Variants in RAB14 observed in about 807,000 individuals in gnomAD.
RAB14 encodes ras-related protein Rab-14.
Under a neutral mutation model 31.1 loss-of-function variants are expected in RAB14, and 3 were observed. The observed-to-expected ratio is 0.10, with a 90% CI of 0.04 to 0.25. The LOEUF (loss-of-function observed/expected upper bound fraction) is 0.25. RAB14 is among the 10% of genes least tolerant of loss of function. The pLI, the probability that RAB14 is intolerant of heterozygous loss-of-function variation, is 1.00. For synonymous variants in RAB14, 85 were observed against 84.9 expected, an observed-to-expected ratio of 1.00 and a Z score of 0.00; for missense variants, 111 against 260.1, an observed-to-expected ratio of 0.43 and a Z score of 3.94.
chr9:121,194,090 TCA>T (rs56275636), intron 1 of RAB14, among the ~76,000 whole-genome samples: 54,804 of 141,358 alleles, frequency 0.39, 12,437 homozygotes, highest in South Asian at 0.65. Context: ...TTGCAGATTA[TCA>T]CTCACACACA....
intron 1 of RAB14, among the ~76,000 whole-genome samples, chr9:121,194,444 A>C (rs1212993830): frequency 2.0e-5 from 3 of 152,158 alleles, no homozygotes; most frequent in Non-Finnish European, 4.4e-5. Flanking sequence ...AAAACAAAAA[A>C]CTTTCCAATT....
intron 3 of RAB14, 105 bp from the exon 4 acceptor site, chr9:121,190,836 A>G (rs1312669729): frequency 1.2e-5 from 14 of 1,121,582 alleles, no homozygotes; most frequent in Non-Finnish European, 1.8e-5. Flanking sequence ...TAATACTTAC[A>G]GGCTATAAAT....
chr9:121,183,411 C>G lies in RAB14; in HGVS notation c.352-13G>C. The G allele has an allele frequency of 1.3e-6, 2 of 1,560,532 alleles. No homozygotes were observed. The highest frequency in any genetic ancestry group is 1.8e-6 in the Non-Finnish European group (2 of 1,137,746). ...TGAGAATTATTACCTAATTTGTGATCAAAAGAAAGACACCTTGTAACAAAA... is the reference window on the plus strand; with the variant it reads ...TGAGAATTATTACCTAATTTGTGATGAAAAGAAAGACACCTTGTAACAAAA... On this transcript the variant is annotated splice_polypyrimidine_tract_variant and intron_variant, in intron 5 of 7. Coordinates refer to ENST00000373840, the MANE Select transcript of RAB14 (RefSeq NM_016322.4).
chr9:121,185,327 G>T (rs143876793), intron 5 of RAB14, among the ~76,000 whole-genome samples: 2 of 152,246 alleles, frequency 1.3e-5, no homozygotes, highest in Non-Finnish European at 2.9e-5. Flanking sequence ...AGGATGTTAT[G>T]TAACTATAAT....
chr9:121,189,639 T>C (rs9408928), intron 4 of RAB14, among the ~76,000 whole-genome samples: 6,515 of 152,180 alleles, frequency 0.043, 169 homozygotes, highest in Non-Finnish European at 0.061. Context: ...CCAAATTAAA[T>C]AAAGTCATAC....
chr9:121,191,483 G>T (rs1306237270), intron 3 of RAB14, among the ~76,000 whole-genome samples: 1 of 152,048 alleles, frequency 6.6e-6, no homozygotes. Flanking sequence ...TGGGATTACA[G>T]GCATGAGCCA....
At position 121,183,499 on chromosome 9, in the gene RAB14, G is replaced by C; in HGVS notation, c.352-101C>G. The C allele has an allele frequency of 3.3e-6, 3 of 908,942 alleles. No homozygotes were observed. In the Admixed American group the frequency reaches 6.9e-5, roughly 21 times the overall value. 56.3% of individuals were successfully genotyped at this position (908,942 alleles called of 1,614,324 possible). A position where few individuals can be genotyped will look rare whatever the true frequency, so the allele number is the denominator to read the frequency against. On this transcript the variant is annotated intron_variant, in intron 5 of 7. Transcript: ENST00000373840. The stretch of plus-strand genomic sequence containing the variant: ...AAAAATCTTGATAGAAAAAATGACT[G>C]GGCCTAAAAAGAAAACCAAGTACTA...
chr9:121,181,740 T>C (rs1173002004), intron 7 of RAB14, among the ~76,000 whole-genome samples, 167 bp from the exon 8 acceptor site: 1 of 126,632 alleles, frequency 7.9e-6, no homozygotes, highest in Non-Finnish European at 1.6e-5. Context: ...GGAAAACTAT[T>C]TTCCTTTTTT....
intron 7 of RAB14, among the ~76,000 whole-genome samples, chr9:121,182,052 C>T (rs1471485569): frequency 6.6e-6 from 1 of 152,118 alleles, no homozygotes; most frequent in Non-Finnish European, 1.5e-5. Flanking sequence ...GGCCGGAAAA[C>T]TACTTTCTAT....
intron 3 of RAB14, 117 bp from the exon 4 acceptor site, chr9:121,190,848 G>C (rs2053682579): frequency 2.1e-6 from 2 of 942,224 alleles, no homozygotes; most frequent in Non-Finnish European, 1.5e-6. Flanking sequence ...GCTATAAATA[G>C]ACTAAAGCTA....
At position 121,183,045 on chromosome 9, in the gene RAB14, C is replaced by T. The variant is rs1217757242; in HGVS notation, c.440-85G>A. The T allele has an allele frequency of 1.8e-5, 24 of 1,367,718 alleles. No individual in the cohort carries two copies. The Middle Eastern group carries it at 5.5e-4, about 31-fold the overall frequency. 84.7% of individuals were successfully genotyped at this position (1,367,718 alleles called of 1,614,324 possible). A position where few individuals can be genotyped will look rare whatever the true frequency, so the allele number is the denominator to read the frequency against. On this transcript the variant is annotated intron_variant, in intron 6 of 7. Transcript: ENST00000373840. ...TTTAGTAACATCTGAAAAAGTTTCC[C>T]ATCAGTTTTTAGTACTCCTCCCATA...
intron 3 of RAB14, among the ~76,000 whole-genome samples, chr9:121,191,679 G>C (rs1050076744): frequency 6.6e-5 from 10 of 152,108 alleles, no homozygotes; most frequent in African/African-American, 2.4e-4. Flanking sequence ...TCTGTGGTAA[G>C]CAGCACAAAA....
intron 3 of RAB14, among the ~76,000 whole-genome samples, chr9:121,190,942 T>C (rs2053683224): frequency 1.3e-5 from 2 of 152,052 alleles, no homozygotes; most frequent in Admixed American, 6.6e-5. Context: ...AGCAAACTTC[T>C]AGAAAGGACC....
intron 4 of RAB14, among the ~76,000 whole-genome samples, chr9:121,187,256 A>C (rs2053663545): frequency 6.6e-6 from 1 of 152,084 alleles, no homozygotes; most frequent in South Asian, 2.1e-4. Context: ...TCAGGAGTAA[A>C]TTGTTTACTC....
intron 5 of RAB14, 129 bp from the exon 6 acceptor site, chr9:121,183,527 A>G (rs1427788491): frequency 1.8e-5 from 12 of 665,316 alleles, no homozygotes; most frequent in Admixed American, 5.3e-5. Context: ...AAGTACTAGC[A>G]ATTATCCACT....
chr9:121,199,605 G>A (rs934726036), intron 1 of RAB14, among the ~76,000 whole-genome samples: 1 of 152,158 alleles, frequency 6.6e-6, no homozygotes, highest in East Asian at 1.9e-4. Context: ...TTGCAAAGTT[G>A]AAGTATGCAA....
At chr9:121,186,357 A>C (rs897755163) in intron 5 of RAB14, among the ~76,000 whole-genome samples, 2 of 152,168 alleles carry the variant, frequency 1.3e-5, no homozygotes, top group Admixed American at 1.3e-4. Context: ...TCCCTGCTAG[A>C]CTATAAGCTC....
At chr9:121,188,348 A>G (rs1588368972) in intron 4 of RAB14, among the ~76,000 whole-genome samples, 1 of 151,988 alleles carries the variant, frequency 6.6e-6, no homozygotes, top group South Asian at 2.1e-4. Flanking sequence ...GAACTTTAAA[A>G]TTTCAAAGCT....
intron 1 of RAB14, among the ~76,000 whole-genome samples, chr9:121,196,433 G>A (rs570459073): frequency 1.3e-5 from 2 of 152,150 alleles, no homozygotes; most frequent in African/African-American, 2.4e-5. Flanking sequence ...GACATATGCC[G>A]GGCAATGTGC....
Sources: gnomAD v4.1 joint callset for allele counts (sites outside exome capture counted in the v4.1 genomes callset) on GRCh38, gnomAD v4.1.1 for gene constraint, MANE v1.5 for transcripts, NCBI Gene and HGNC (gene_info 2026-07-23, HGNC 2026-07-21) for gene names.